The following TMEM164 variants were observed in gnomAD, a reference collection of about 807,000 sequenced individuals.
TMEM164 encodes the protein transmembrane protein 164, also known as RP13-360B22.2.
In TMEM164, 4 loss-of-function variants were observed where a neutral mutation model predicts 18.8. The observed-to-expected ratio is 0.21, with a 90% CI of 0.10 to 0.49. The LOEUF (loss-of-function observed/expected upper bound fraction) is 0.49, where lower values mean the gene tolerates loss of function less well. Among genes scored for constraint, TMEM164 ranks in the 20% least tolerant of loss-of-function variants. The pLI is 0.98. For missense variants in TMEM164, 108 were observed against 239.9 expected, an observed-to-expected ratio of 0.45 and a Z score of 3.63; for synonymous variants, 86 against 101.7, an observed-to-expected ratio of 0.85 and a Z score of 0.93.
downstream of TMEM164, among the ~76,000 whole-genome samples, chrX:110,184,184 T>C (rs760686274): frequency 9.1e-6 from 1 of 109,617 alleles, no homozygotes; most frequent in Non-Finnish European, 1.9e-5. Context: ...GAACTGTCTA[T>C]ACATTTTGCT....
In TMEM164 at chrX:110,165,092, G is replaced by A. The variant is rs749388421; in HGVS notation, c.587-6328G>A. Among the ~76,000 whole-genome samples, 12 of 112,944 alleles carry A rather than the reference G, an allele frequency of 1.1e-4. No homozygotes were observed. In the South Asian group the frequency reaches 2.2e-3, roughly 21 times the overall value. ...TCTTGCATTGCTACTTTCCTGAAACGGCTATTGCAAAGATTACTAACTAGT... is the reference window on the plus strand; with the variant it reads ...TCTTGCATTGCTACTTTCCTGAAACAGCTATTGCAAAGATTACTAACTAGT... On this transcript the variant is annotated intron_variant, in intron 5 of 6. Transcript: ENST00000372068.
At chrX:110,102,563 G>C (rs1436176506) in intron 3 of TMEM164, among the ~76,000 whole-genome samples, 1 of 111,670 alleles carries the variant, frequency 9.0e-6, no homozygotes, top group African/African-American at 3.3e-5. Context: ...AGCTTCATTT[G>C]TTATGAATAA....
chrX:110,003,093 C>G (rs1415560729), upstream of TMEM164: 1 of 112,418 alleles, frequency 8.9e-6, no homozygotes, highest in Non-Finnish European at 1.9e-5. Flanking sequence ...TCTAAATTGG[C>G]TGGAGGGGCC....
chrX:110,052,545 G>A (rs1935606326), intron 2 of TMEM164, among the ~76,000 whole-genome samples: 1 of 111,353 alleles, frequency 9.0e-6, no homozygotes, highest in Non-Finnish European at 1.9e-5. Context: ...TATTCATTCA[G>A]CAAGTACCTG....
intron 2 of TMEM164, among the ~76,000 whole-genome samples, chrX:110,059,223 A>G (rs777605840): frequency 1.8e-5 from 2 of 111,415 alleles, no homozygotes; most frequent in East Asian, 5.6e-4. Context: ...TCCCAGCATC[A>G]TTTGTTGAAG....
At chrX:110,089,548 GGATT>G (rs1440331562) in intron 3 of TMEM164, among the ~76,000 whole-genome samples, 4 of 111,983 alleles carry the variant, frequency 3.6e-5, no homozygotes, top group African/African-American at 1.3e-4. Flanking sequence ...AAATATAACG[GGATT>G]GTTTACCCAT....
rs770972210 is a variant in TMEM164, at chrX:110,164,032, AT to A, written c.587-7385del. Among the ~76,000 whole-genome samples the A allele has an allele frequency of 2.2e-4, 25 of 112,432 alleles. No individual in the cohort carries two copies. The Admixed American group carries it at 2.3e-3, about 10-fold the overall frequency. On this transcript the variant is annotated intron_variant, in intron 5 of 6. Transcript: ENST00000372068. Reference sequence around the variant, plus strand: ...AGATTCGAGAAGAGAGAAAATATTAATTTGTGGCCTAGGAGCGTGACAGAGT... The same window carrying A: ...AGATTCGAGAAGAGAGAAAATATTAATTGTGGCCTAGGAGCGTGACAGAGT...
At chrX:110,048,435 G>A (rs1192245583) in intron 2 of TMEM164, among the ~76,000 whole-genome samples, 5 of 112,095 alleles carry the variant, frequency 4.5e-5, no homozygotes, top group Admixed American at 9.5e-5. Flanking sequence ...AGTATGCCCA[G>A]CACTTAGCAT....
chrX:110,098,801 CTTTTTTTTTTTTT>C (rs2066062216), intron 3 of TMEM164, among the ~76,000 whole-genome samples: 1 of 98,865 alleles, frequency 1.0e-5, no homozygotes, highest in South Asian at 4.3e-4. Context: ...TTTTTTTCTT[CTTTTTTTTTTTTT>C]GAGAGGGAGT....
intron 5 of TMEM164, among the ~76,000 whole-genome samples, chrX:110,148,859 G>A (rs2066899751): frequency 9.1e-6 from 1 of 110,243 alleles, no homozygotes; most frequent in Admixed American, 9.7e-5. Flanking sequence ...CTTCACTGCT[G>A]GCTTTTCAGC....
At chrX:110,075,887 C>T (rs1238721969) in intron 3 of TMEM164, among the ~76,000 whole-genome samples, 2 of 110,749 alleles carry the variant, frequency 1.8e-5, no homozygotes, top group Non-Finnish European at 3.8e-5. Flanking sequence ...ATTTTTGCTT[C>T]TATGTTCATC....
chrX:110,148,962 C>T (rs1414107874), intron 5 of TMEM164, among the ~76,000 whole-genome samples: 2 of 111,216 alleles, frequency 1.8e-5, no homozygotes, highest in Non-Finnish European at 3.8e-5. Flanking sequence ...CCTAAGCATC[C>T]TAAAAGAATA....
At chrX:110,098,801 C>CG (rs1556004344) in intron 3 of TMEM164, among the ~76,000 whole-genome samples, 19 of 98,856 alleles carry the variant, frequency 1.9e-4, no homozygotes, top group African/African-American at 6.6e-4. Context: ...TTTTTTTCTT[C>CG]TTTTTTTTTT....
intron 2 of TMEM164, among the ~76,000 whole-genome samples, chrX:110,065,772 C>A (rs1359725065): frequency 1.8e-5 from 2 of 111,674 alleles, no homozygotes; most frequent in East Asian, 5.6e-4. Context: ...GGGTTTGAGG[C>A]AGTACCCCGC....
At chrX:110,171,144 GAA>G (rs1305448568) in intron 5 of TMEM164, among the ~76,000 whole-genome samples, 1 of 112,146 alleles carries the variant, frequency 8.9e-6, no homozygotes, top group Non-Finnish European at 1.9e-5. Flanking sequence ...AAACTCATGT[GAA>G]AATTTTCTTT....
chrX:110,108,522 G>A (rs558335509), intron 3 of TMEM164, among the ~76,000 whole-genome samples: 1 of 111,902 alleles, frequency 8.9e-6, no homozygotes, highest in Admixed American at 9.5e-5. Context: ...AGCCTGGAAG[G>A]CTGCCCACTT....
At chrX:110,136,772 C>T (rs2066697178) in intron 4 of TMEM164, among the ~76,000 whole-genome samples, 1 of 111,900 alleles carries the variant, frequency 8.9e-6, no homozygotes, top group Non-Finnish European at 1.9e-5. Context: ...CCACCTGCTT[C>T]CAGTCCTCTC....
At chrX:110,006,658 G>GAT (rs979722157) in intron 2 of TMEM164, among the ~76,000 whole-genome samples, 110 of 111,725 alleles carry the variant, frequency 9.8e-4, no homozygotes, top group African/African-American at 2.7e-3. Flanking sequence ...AATGACCAAT[G>GAT]ATAGTATGTA....
intron 2 of TMEM164, among the ~76,000 whole-genome samples, chrX:110,053,330 G>A (rs886392711): frequency 9.0e-5 from 10 of 111,427 alleles, no homozygotes; most frequent in African/African-American, 2.9e-4. Context: ...CTTGCAGACA[G>A]GAATTATGTC....
Sources: gnomAD v4.1 joint callset for allele counts (sites outside exome capture counted in the v4.1 genomes callset) on GRCh38, gnomAD v4.1.1 for gene constraint, MANE v1.5 for transcripts, NCBI Gene and HGNC (gene_info 2026-07-23, HGNC 2026-07-21) for gene names.